The following IKBKB variants were observed in gnomAD, a reference collection of about 807,000 sequenced individuals.
The protein encoded by IKBKB is inhibitor of nuclear factor kappa-B kinase subunit beta.
In IKBKB, 42 loss-of-function variants were observed where a neutral mutation model predicts 113.6. That is an observed-to-expected ratio of 0.37 (90% CI 0.29 to 0.48). The LOEUF (loss-of-function observed/expected upper bound fraction) is 0.48. Among genes scored for constraint, IKBKB ranks in the 20% least tolerant of loss-of-function variants. The probability of loss-of-function intolerance (pLI) is 0.99; values close to 1 mark genes in which losing one functional copy is unlikely to be tolerated. For missense variants in IKBKB, 673 were observed against 939.7 expected, an observed-to-expected ratio of 0.72 and a Z score of 3.71; for synonymous variants, 296 against 361.3, an observed-to-expected ratio of 0.82 and a Z score of 2.05.
chr8:42,310,159 A>T (rs1427445584), intron 8 of IKBKB, among the ~76,000 whole-genome samples: 1 of 152,238 alleles, frequency 6.6e-6, no homozygotes, highest in Non-Finnish European at 1.5e-5. Flanking sequence ...AATCAGTTAG[A>T]TTTCATTTAG....
In IKBKB at chr8:42,305,282, G is replaced by A; in HGVS notation, c.477+7G>A. ...GCAGCAAGGAGAACAGAGGGTAAGT[G>A]ACCTCCTGGGACTGGGAAAGCCTCA... On this transcript the variant is annotated splice_region_variant and intron_variant, in intron 6 of 21. Coordinates refer to ENST00000520810, the MANE Select transcript of IKBKB (RefSeq NM_001556.3). 2.5e-6 allele frequency: 4 copies of A among 1,589,332 alleles called. No homozygotes were observed. The East Asian group carries it at 6.7e-5, about 27-fold the overall frequency.
intron 4 of IKBKB, among the ~76,000 whole-genome samples, chr8:42,291,013 A>G (rs533635971): frequency 2.6e-5 from 4 of 152,284 alleles, no homozygotes; most frequent in South Asian, 2.1e-4. Flanking sequence ...GTGCACAGGT[A>G]TGGTTCCCAC....
chr8:42,331,415 C>G lies in IKBKB; in HGVS notation c.*436C>G, dbSNP rs201846544. Reference sequence around the variant, plus strand: ...AATTCAAATCTTTCAGGGCAGAGTCCGAGCAGCGCTTGGTGACAGCCTGTC... The same window carrying G: ...AATTCAAATCTTTCAGGGCAGAGTCGGAGCAGCGCTTGGTGACAGCCTGTC... On this transcript the variant is annotated 3_prime_UTR_variant, in exon 22 of 22. Coordinates refer to ENST00000520810, the MANE Select transcript of IKBKB (RefSeq NM_001556.3). 2 of 702,716 alleles carry G rather than the reference C, an allele frequency of 2.8e-6. No individual in the cohort carries two copies. Among genetic ancestry groups the G allele is most frequent in the Admixed American group, 2.0e-5 (1 of 50,016 alleles). The allele number at this position is 702,716 out of a possible 1,614,324, so 43.5% of individuals were successfully genotyped here. A position where few individuals can be genotyped will look rare whatever the true frequency, so the allele number is the denominator to read the frequency against.
At chr8:42,330,570 G>A (rs1821583948) in intron 21 of IKBKB, among the ~76,000 whole-genome samples, 1 of 152,054 alleles carries the variant, frequency 6.6e-6, no homozygotes, top group Admixed American at 6.6e-5. Flanking sequence ...GAGTGCAATG[G>A]CACGATCTCA....
intron 13 of IKBKB, 107 bp from the exon 14 acceptor site, chr8:42,319,163 A>G: frequency 9.9e-7 from 1 of 1,005,794 alleles, no homozygotes; most frequent in Middle Eastern, 3.2e-4. Context: ...GATGATAATA[A>G]TTATAGCAGG....
intron 5 of IKBKB, among the ~76,000 whole-genome samples, chr8:42,303,791 G>A (rs1410740444): frequency 6.6e-6 from 1 of 152,188 alleles, no homozygotes; most frequent in Non-Finnish European, 1.5e-5. Context: ...ACAGGCGTGA[G>A]CCACCGCGCC....
chr8:42,303,200 C>T (rs1048355548), intron 5 of IKBKB, among the ~76,000 whole-genome samples: 3 of 151,704 alleles, frequency 2.0e-5, no homozygotes, highest in African/African-American at 7.3e-5. Context: ...GTGGCGGCGA[C>T]GGCATACAGA....
At chr8:42,299,678 C>T (rs1256715066) in intron 5 of IKBKB, among the ~76,000 whole-genome samples, 1 of 152,224 alleles carries the variant, frequency 6.6e-6, no homozygotes, top group East Asian at 1.9e-4. Context: ...ACCCGCCAGC[C>T]TCCGTGCGTG....
intron 7 of IKBKB, among the ~76,000 whole-genome samples, chr8:42,306,742 T>G (rs6474386): frequency 6.6e-6 from 1 of 152,084 alleles, no homozygotes; most frequent in Non-Finnish European, 1.5e-5. Flanking sequence ...ATGCTGGTCT[T>G]GAGCGGTCCT....
At chr8:42,319,456 C>A in intron 14 of IKBKB, 35 bp downstream of exon 14, 2 of 1,611,364 alleles carry the variant, frequency 1.2e-6, no homozygotes, top group Non-Finnish European at 1.7e-6. Context: ...TTAAAGACAC[C>A]ATTTTTTTTT....
intron 2 of IKBKB, among the ~76,000 whole-genome samples, chr8:42,286,460 C>T (rs903958581): frequency 3.9e-5 from 6 of 152,084 alleles, no homozygotes; most frequent in Admixed American, 3.9e-4. Context: ...GGAGGCCTTG[C>T]CACAGTCCTC....
intron 8 of IKBKB, among the ~76,000 whole-genome samples, chr8:42,312,327 G>A (rs1040724980): frequency 6.6e-6 from 1 of 152,184 alleles, no homozygotes; most frequent in African/African-American, 2.4e-5. Flanking sequence ...ATGGCCCAGC[G>A]TCTTCATAGG....
chr8:42,325,685 A>G, intron 19 of IKBKB: 1 of 1,170,640 alleles, frequency 8.5e-7, no homozygotes, highest in Non-Finnish European at 1.1e-6. Flanking sequence ...ATCATAATCA[A>G]TCAGTAAAGC....
chr8:42,272,436 C>A, intron 2 of IKBKB: 1 of 607,848 alleles, frequency 1.6e-6, no homozygotes, highest in Middle Eastern at 2.9e-4. Context: ...TAAAGTTAAG[C>A]TCTTAGTCTC....
intron 18 of IKBKB, 69 bp from the exon 19 acceptor site, chr8:42,322,278 G>A: frequency 1.3e-6 from 2 of 1,590,772 alleles, no homozygotes; most frequent in Non-Finnish European, 1.7e-6. Context: ...CTGACTGGAT[G>A]CACAGCTGCC....
chr8:42,293,369 T>A, intron 4 of IKBKB, 74 bp from the exon 5 acceptor site: 1 of 1,588,402 alleles, frequency 6.3e-7, no homozygotes, highest in Non-Finnish European at 8.6e-7. Flanking sequence ...TCACATGGGC[T>A]GGTAAGAGAC....
intron 11 of IKBKB, chr8:42,317,174 C>T: frequency 2.1e-6 from 1 of 485,852 alleles, no homozygotes. Context: ...ACTCGAATCT[C>T]TCAAGTTGCC....
chr8:42,272,969 C>T (rs779414632), intron 2 of IKBKB, among the ~76,000 whole-genome samples: 1 of 145,838 alleles, frequency 6.9e-6, no homozygotes, highest in East Asian at 2.0e-4. Context: ...AAACCTTAGG[C>T]AGCCTTGGTG....
At chr8:42,298,262 CT>C (rs1315070090) in intron 5 of IKBKB, 1 of 985,256 alleles carries the variant, frequency 1.0e-6, no homozygotes, top group East Asian at 1.1e-4. Flanking sequence ...CTTATCAGAT[CT>C]TAGATTGGAA....
Sources: gnomAD v4.1 joint callset for allele counts (sites outside exome capture counted in the v4.1 genomes callset) on GRCh38, gnomAD v4.1.1 for gene constraint, MANE v1.5 for transcripts, NCBI Gene and HGNC (gene_info 2026-07-23, HGNC 2026-07-21) for gene names.